PLA2G5: variants seen among roughly 807,000 people sequenced by gnomAD.
The protein encoded by PLA2G5 is Ca2+-dependent phospholipase A2.
In PLA2G5, 12 loss-of-function variants were observed where a neutral mutation model predicts 15.9. The ratio of observed to expected loss-of-function variants is 0.76; its 90% confidence interval spans 0.48 to 1.23. The LOEUF is 1.23. Ranked by LOEUF, PLA2G5 falls within the 50% of genes most tolerant of loss-of-function variation. PLA2G5 has a pLI of 0.00. For missense variants in PLA2G5, 169 were observed against 177.1 expected (o/e 0.95, Z 0.26); for synonymous variants, 71 against 71.4 (o/e 0.99, Z 0.03).
chr1:20,039,086 C>T (rs1455363565), intron 1 of PLA2G5, among the ~76,000 whole-genome samples: 1 of 152,088 alleles, frequency 6.6e-6, no homozygotes, highest in Non-Finnish European at 1.5e-5. Context: ...ACCTGAGTCT[C>T]GAGTTACAGG....
Position 20,083,481 on chromosome 1 carries a change from C to A in PLA2G5, c.-10-1340C>A, listed in dbSNP as rs1295288906. 2.0e-5 allele frequency among the ~76,000 whole-genome samples: 3 copies of A among 151,776 alleles called. 1 individual carries two copies. The highest frequency in any genetic ancestry group is 7.3e-5 in the African/African-American group (3 of 41,086). On this transcript the variant is annotated intron_variant, in intron 1 of 4. Coordinates refer to ENST00000375108, the MANE Select transcript of PLA2G5 (RefSeq NM_000929.3). The stretch of plus-strand genomic sequence containing the variant: ...AGGGGAGAGCCCCAGGCCTGCCGAG[C>A]TGTGGACAAACAAGGACTTTGGATC...
At chr1:20,066,997 C>A (rs565529440), upstream of PLA2G5, among the ~76,000 whole-genome samples, 69 of 49,260 alleles carry the variant, frequency 1.4e-3, no homozygotes, top group Admixed American at 0.015. Flanking sequence ...CAGAGTGAGA[C>A]CTTGTCTTTT....
chr1:20,084,807 GT>G lies in PLA2G5; in HGVS notation c.-10-5del, dbSNP rs2020883. On this transcript the variant is annotated splice_polypyrimidine_tract_variant and intron_variant, in intron 1 of 4. Transcript: ENST00000375108. ...GCCTGATAGATCTGTTGTGGGATGTGTTTTTTTTTCCAGAACCCCAGAGATG... is the reference window on the plus strand; with the variant it reads ...GCCTGATAGATCTGTTGTGGGATGTGTTTTTTTTCCAGAACCCCAGAGATG... 74,650 of 1,493,412 alleles carry G rather than the reference GT, an allele frequency of 0.05. 2,663 individuals are homozygous for G. The highest frequency in any genetic ancestry group is 0.16 in the East Asian group (6,986 of 43,174). 92.5% of individuals were successfully genotyped at this position (1,493,412 alleles called of 1,614,324 possible). A position where few individuals can be genotyped will look rare whatever the true frequency, so the allele number is the denominator to read the frequency against.
intron 2 of PLA2G5, among the ~76,000 whole-genome samples, chr1:20,065,007 A>T (rs367897450): frequency 1.3e-5 from 2 of 152,366 alleles, no homozygotes; most frequent in African/African-American, 4.8e-5. Context: ...AACACAAAAT[A>T]GACCTGAAAC....
chr1:20,073,537 G>A (rs1230384317), intron 1 of PLA2G5, among the ~76,000 whole-genome samples: 1 of 152,138 alleles, frequency 6.6e-6, no homozygotes, highest in African/African-American at 2.4e-5. Context: ...ACATTTAATT[G>A]GTTCATCCAT....
intron 2 of PLA2G5, among the ~76,000 whole-genome samples, chr1:20,061,007 G>A (rs1462497279): frequency 1.3e-5 from 2 of 152,126 alleles, no homozygotes; most frequent in South Asian, 2.1e-4. Flanking sequence ...ATGAGCCATC[G>A]CACCCGGCCT....
intron 1 of PLA2G5, among the ~76,000 whole-genome samples, chr1:20,076,602 C>T (rs2015697138): frequency 6.6e-6 from 1 of 152,174 alleles, no homozygotes; most frequent in South Asian, 2.1e-4. Flanking sequence ...TCCTTGCTTA[C>T]ACGTTGGGAT....
At chr1:20,090,362 C>T (rs1391225017) in intron 4 of PLA2G5, among the ~76,000 whole-genome samples, 1 of 152,164 alleles carries the variant, frequency 6.6e-6, no homozygotes. Context: ...TGGGAACTCC[C>T]TGAGGGCAGG....
At chr1:20,087,133 T>C (rs1226944857) in intron 3 of PLA2G5, among the ~76,000 whole-genome samples, 1 of 152,234 alleles carries the variant, frequency 6.6e-6, no homozygotes, top group Non-Finnish European at 1.5e-5. Flanking sequence ...GAAGTATGCA[T>C]AGGTAGCAGT....
chr1:20,053,688 T>G (rs1334758449), intron 1 of PLA2G5, among the ~76,000 whole-genome samples: 2 of 152,156 alleles, frequency 1.3e-5, no homozygotes, highest in African/African-American at 4.8e-5. Context: ...GTCCATTTTC[T>G]TCTTCTTTCC....
chr1:20,081,888 T>C (rs1250291162), intron 1 of PLA2G5, among the ~76,000 whole-genome samples: 1 of 151,782 alleles, frequency 6.6e-6, no homozygotes, highest in Non-Finnish European at 1.5e-5. Flanking sequence ...CCATCTCTAC[T>C]GAAAATACAA....
rs1011709337 is a variant in PLA2G5 at position 20,089,891 on chromosome 1, C to T, written c.288C>T (p.Thr96=). 3.1e-6 allele frequency: 5 copies of T among 1,611,122 alleles called. No individual in the cohort carries two copies. Among genetic ancestry groups the T allele is most frequent in the Non-Finnish European group, 3.4e-6 (4 of 1,177,856 alleles). Residue 96 remains threonine, a synonymous_variant, in exon 4 of 5, where the codon ACC becomes ACT. Transcript: ENST00000375108. ...YKYRFAWGVV[T]CEPGPFCHVN... ...ACAGATTCGCGTGGGGCGTGGTCAC[C>T]TGCGGTAAGGCTGGGGCTTCCCGTT...
intron 2 of PLA2G5, among the ~76,000 whole-genome samples, chr1:20,061,383 G>A (rs978170247): frequency 6.6e-6 from 1 of 151,922 alleles, no homozygotes; most frequent in Non-Finnish European, 1.5e-5. Context: ...TCAGGAGTTC[G>A]AGATCAGCTT....
intron 3 of PLA2G5, 48 bp downstream of exon 3, chr1:20,086,275 A>C: frequency 6.3e-7 from 1 of 1,579,486 alleles, no homozygotes; most frequent in Non-Finnish European, 8.7e-7. Context: ...CTCTGCACCC[A>C]TGTTTTCTTA....
chr1:20,043,278 G>T (rs2013717542), intron 1 of PLA2G5, among the ~76,000 whole-genome samples: 1 of 152,228 alleles, frequency 6.6e-6, no homozygotes, highest in Non-Finnish European at 1.5e-5. Flanking sequence ...ATAAGGTGGA[G>T]ATCCTGAACT....
chr1:20,064,246 CA>C (rs1199777050), intron 2 of PLA2G5, among the ~76,000 whole-genome samples: 1 of 152,142 alleles, frequency 6.6e-6, no homozygotes, highest in Non-Finnish European at 1.5e-5. Flanking sequence ...TTAGCATAGT[CA>C]TAAAATTAGA....
rs1173496898 is a variant in PLA2G5, at chr1:20,090,756, T to C, written c.*64T>C. 29 of 1,536,346 alleles carry C rather than the reference T, an allele frequency of 1.9e-5. No individual in the cohort carries two copies. Among genetic ancestry groups the C allele is most frequent in the Non-Finnish European group, 2.6e-5 (29 of 1,111,414 alleles). The stretch of plus-strand genomic sequence containing the variant: ...TCTGTTTTTCTACAACACAGAGTAC[T>C]GACTCTGCCTGGTTCCTGAGAGAGG... On this transcript the variant is annotated 3_prime_UTR_variant, in exon 5 of 5. Transcript: ENST00000375108.
chr1:20,036,331 G>A (rs2013246877), intron 1 of PLA2G5, among the ~76,000 whole-genome samples: 3 of 152,030 alleles, frequency 2.0e-5, no homozygotes, highest in Non-Finnish European at 4.4e-5. Flanking sequence ...CCTCAAATAA[G>A]TTTTCCAAAC....
chr1:20,084,906 TA>T, intron 2 of PLA2G5, 36 bp downstream of exon 2: 1 of 1,489,132 alleles, frequency 6.7e-7, no homozygotes. Flanking sequence ...AATGAACTTT[TA>T]CCCCATGGGA....
Sources: allele counts gnomAD v4.1 joint callset (sites outside exome capture counted in the v4.1 genomes callset), GRCh38; gene constraint gnomAD v4.1.1; transcripts MANE v1.5; gene names NCBI Gene and HGNC (gene_info 2026-07-23, HGNC 2026-07-21).